DDX27: variants seen among roughly 807,000 people sequenced by gnomAD.
DDX27 encodes the protein probable ATP-dependent RNA helicase DDX27.
DDX27 carries 42 observed loss-of-function variants against 99.3 expected under a neutral mutation model. The observed-to-expected ratio is 0.42, with a 90% CI of 0.33 to 0.55. The LOEUF is 0.55. Among genes scored for constraint, DDX27 ranks in the 20% least tolerant of loss-of-function variants. The pLI is 0.07. For missense variants in DDX27, 798 were observed against 976.8 expected (o/e 0.82, Z 2.44); for synonymous variants, 329 against 353.8 (o/e 0.93, Z 0.79).
chr20:49,239,682 A>G (rs1204052325), intron 16 of DDX27, among the ~76,000 whole-genome samples: 2 of 145,366 alleles, frequency 1.4e-5, no homozygotes, highest in East Asian at 4.0e-4. Flanking sequence ...CTAATACGCC[A>G]TGGACTGGAA....
Position 49,236,488 on chromosome 20 carries a change from G to C in DDX27, c.1665G>C (p.Val555=). Residue 555 remains valine, a synonymous_variant, in exon 14 of 21, where the codon GTG becomes GTC. Coordinates refer to ENST00000618172, the MANE Select transcript of DDX27 (RefSeq NM_017895.8). The surrounding 1 kb of genome is among the most constrained non-coding windows in gnomAD (Gnocchi z 4.1). ...TTGTAAAAGCTGCCAAGGCCCCTGT[G>C]AAGGCCAGGATACTTCCCCAAGGTG... ...KEIVKAAKAP[V]KARILPQDVI... The C allele has an allele frequency of 6.2e-7, 1 of 1,605,398 alleles. No homozygotes were observed. Among genetic ancestry groups the C allele is most frequent in the Non-Finnish European group, 8.5e-7 (1 of 1,175,806 alleles).
Position 49,221,274 on chromosome 20 carries a change from G to C in DDX27, c.94-178G>C, listed in dbSNP as rs185124531. On this transcript the variant is annotated intron_variant, in intron 1 of 20. Transcript: ENST00000618172. ...CACACCCGTCTTTTTTGTATTTTTA[G>C]TAGAGACTGCGTTTCATCATGTTGG... 4.4e-3 allele frequency among the ~76,000 whole-genome samples: 677 copies of C among 152,208 alleles called. 3 individuals carry two copies. The highest frequency in any genetic ancestry group is 5.2e-3 in the Non-Finnish European group (353 of 68,018).
At chr20:49,233,475 T>G in intron 10 of DDX27, 70 bp downstream of exon 10, 1 of 1,603,448 alleles carries the variant, frequency 6.2e-7, no homozygotes, top group Middle Eastern at 1.7e-4. Flanking sequence ...GGACCCTGGC[T>G]GGGCTTGAGG....
chr20:49,235,322 G>T, intron 12 of DDX27: 1 of 417,738 alleles, frequency 2.4e-6, no homozygotes. Flanking sequence ...CCCTAGCATG[G>T]GAGCTGTTGT....
intron 4 of DDX27, among the ~76,000 whole-genome samples, chr20:49,224,386 G>C (rs1340675487): frequency 6.9e-6 from 1 of 144,816 alleles, no homozygotes; most frequent in East Asian, 2.0e-4. Flanking sequence ...TTTTGAGATG[G>C]AGTCTTACTC....
intron 2 of DDX27, among the ~76,000 whole-genome samples, chr20:49,222,641 A>C (rs906327034): frequency 8.6e-5 from 13 of 152,024 alleles, no homozygotes; most frequent in African/African-American, 2.7e-4. Context: ...CAGCCTCCCG[A>C]GTAGCTGGGA....
At chr20:49,239,118 G>T (rs79925479) in intron 15 of DDX27, 63 bp downstream of exon 15, 71,068 of 1,521,030 alleles carry the variant, frequency 0.047, 1,966 homozygotes, top group Middle Eastern at 0.061. Flanking sequence ...CTGCATCCCT[G>T]CTGGTGCTGC....
At chr20:49,240,766 A>G (rs992014263) in intron 16 of DDX27, among the ~76,000 whole-genome samples, 6 of 152,140 alleles carry the variant, frequency 3.9e-5, no homozygotes, top group East Asian at 1.9e-4. Context: ...TTCTTCCATC[A>G]TATGAGTAGA....
intron 12 of DDX27, chr20:49,235,562 T>G (rs946514130): frequency 1.3e-5 from 2 of 159,322 alleles, no homozygotes; most frequent in Non-Finnish European, 2.8e-5. Context: ...AGGAACCCTT[T>G]AGAACTCTCC....
intron 7 of DDX27, among the ~76,000 whole-genome samples, chr20:49,227,838 A>AT (rs35354294): frequency 0.099 from 12,453 of 125,700 alleles, 797 homozygotes; most frequent in African/African-American, 0.19. Flanking sequence ...AGAGGAGGAA[A>AT]TTTTTTTTTT....
intron 14 of DDX27, among the ~76,000 whole-genome samples, chr20:49,237,427 G>A (rs185379885): frequency 6.6e-6 from 1 of 152,312 alleles, no homozygotes; most frequent in East Asian, 1.9e-4. Flanking sequence ...TAGCATTTAG[G>A]TGTATGTCTT....
Position 49,219,528 on chromosome 20 carries a change from A to G in DDX27, c.80A>G (p.Asp27Gly). Residue 27 changes from aspartate (D) to glycine (G), a missense_variant, in exon 1 of 21, where the codon GAC becomes GGC. Coordinates refer to ENST00000618172, the MANE Select transcript of DDX27 (RefSeq NM_017895.8). ...GTGGAGCCCGAGTCTGACTCCGGGG[A>G]CGAGGAAGAGGAGGTATGAGCACGG... is the stretch of plus-strand genomic sequence containing the variant. ...VPVEPESDSG[D>G]EEEEGPIVLG... The G allele has an allele frequency of 6.2e-7, 1 of 1,613,738 alleles. No homozygotes were observed. Among genetic ancestry groups the G allele is most frequent in the South Asian group, 1.1e-5 (1 of 91,050 alleles).
Position 49,242,005 on chromosome 20 carries a change from T to G in DDX27, c.1992+18T>G. The G allele has an allele frequency of 6.2e-7, 1 of 1,613,796 alleles. No individual in the cohort carries two copies. Among genetic ancestry groups the G allele is most frequent in the Non-Finnish European group, 8.5e-7 (1 of 1,179,830 alleles). Reference sequence around the variant, plus strand: ...AGATGACAGTGAGTGGCCTCCCTTTTGGAGTTTGGGCCCACTCGGTGGGGT... The same window carrying G: ...AGATGACAGTGAGTGGCCTCCCTTTGGGAGTTTGGGCCCACTCGGTGGGGT... On this transcript the variant is annotated intron_variant, in intron 17 of 20. Transcript: ENST00000618172.
At position 49,224,365 on chromosome 20, in the gene DDX27, TC is replaced by T. The variant is rs201137927; in HGVS notation, c.467-579del. ...GGTGCTCAATAAGTATTTCTTTCTT[TC>T]TTTTTTTTTTTTTGAGATGGAGTCT... On this transcript the variant is annotated intron_variant, in intron 4 of 20. Transcript: ENST00000618172. Among the ~76,000 whole-genome samples the T allele has an allele frequency of 2.8e-4, 41 of 144,386 alleles. 8 individuals are homozygous for T. The highest frequency in any genetic ancestry group is 4.7e-4 in the Admixed American group (7 of 14,740). 94.7% of individuals were successfully genotyped at this position (144,386 alleles called of 152,430 possible). A position where few individuals can be genotyped will look rare whatever the true frequency, so the allele number is the denominator to read the frequency against.
At chr20:49,224,793 C>G (rs1568971871) in intron 4 of DDX27, 152 bp from the exon 5 acceptor site, 1 of 760,372 alleles carries the variant, frequency 1.3e-6, no homozygotes, top group East Asian at 2.6e-5. Context: ...CTTCACCATG[C>G]TGCCACAAAG....
chr20:49,229,207 T>C (rs184851026), intron 8 of DDX27, among the ~76,000 whole-genome samples: 82 of 152,050 alleles, frequency 5.4e-4, no homozygotes, highest in African/African-American at 2.0e-3. Flanking sequence ...ATTTTTTGTA[T>C]TTTTAGTAGA....
chr20:49,227,324 C>T (rs1979934734), intron 7 of DDX27, among the ~76,000 whole-genome samples: 1 of 152,196 alleles, frequency 6.6e-6, no homozygotes, highest in South Asian at 2.1e-4. Context: ...GGCACTGATA[C>T]AACAGTGTTT....
chr20:49,235,225 AC>A, intron 12 of DDX27, 137 bp downstream of exon 12: 1 of 990,884 alleles, frequency 1.0e-6, no homozygotes, highest in Non-Finnish European at 1.4e-6. Flanking sequence ...GAACATTTTA[AC>A]CTAACCACTG....
intron 4 of DDX27, chr20:49,224,666 ATAAG>A: frequency 2.7e-6 from 1 of 364,880 alleles, no homozygotes; most frequent in Non-Finnish European, 5.0e-6. Flanking sequence ...TCCGCCCTCA[ATAAG>A]TATTTCTTGC....
Sources: gnomAD v4.1 joint callset for allele counts (sites outside exome capture counted in the v4.1 genomes callset) on GRCh38, gnomAD v4.1.1 for gene constraint, Gnocchi (gnomAD v3.1) non-coding constraint, MANE v1.5 for transcripts, NCBI Gene and HGNC (gene_info 2026-07-23, HGNC 2026-07-21) for gene names.